The following SPATA17 variants were observed in gnomAD, a reference collection of about 807,000 sequenced individuals.
The protein encoded by SPATA17 is spermatogenesis associated 17, also known as spermatogenesis-associated protein 17.
SPATA17 carries 53 observed loss-of-function variants against 62.2 expected under a neutral mutation model. The observed-to-expected ratio is 0.85, with a 90% CI of 0.68 to 1.07. The LOEUF (loss-of-function observed/expected upper bound fraction) is 1.07, where lower values mean the gene tolerates loss of function less well. Ranked by LOEUF, SPATA17 falls within the 50% of genes least tolerant of loss-of-function variation. The pLI, the probability that SPATA17 is intolerant of heterozygous loss-of-function variation, is 0.00. For missense variants in SPATA17, 466 were observed against 425.5 expected, an observed-to-expected ratio of 1.10 and a Z score of -0.84; for synonymous variants, 146 against 146.8, an observed-to-expected ratio of 0.99 and a Z score of 0.04.
At chr1:217,775,594 C>T (rs770042930) in intron 7 of SPATA17, among the ~76,000 whole-genome samples, 11 of 151,936 alleles carry the variant, frequency 7.2e-5, no homozygotes, top group African/African-American at 1.2e-4. Flanking sequence ...CCCAGCTACT[C>T]GGGAGGCTGA....
chr1:217,793,215 G>GTT (rs376041446), intron 8 of SPATA17, among the ~76,000 whole-genome samples: 23,075 of 113,098 alleles, frequency 0.2, 3,322 homozygotes, highest in East Asian at 0.38. Flanking sequence ...TAGGGCAGTG[G>GTT]TTTTTGTTTT....
At chr1:217,756,352 C>T (rs568867285) in intron 6 of SPATA17, among the ~76,000 whole-genome samples, 2 of 151,100 alleles carry the variant, frequency 1.3e-5, no homozygotes, top group East Asian at 3.9e-4. Flanking sequence ...ATCTTATATA[C>T]CAAGAAAAGG....
chr1:217,793,214 G>GTT (rs1674043142), intron 8 of SPATA17, among the ~76,000 whole-genome samples: 1 of 110,726 alleles, frequency 9.0e-6, no homozygotes, highest in African/African-American at 3.4e-5. Flanking sequence ...TTAGGGCAGT[G>GTT]GTTTTTGTTT....
intron 9 of SPATA17, among the ~76,000 whole-genome samples, chr1:217,840,584 C>A (rs947645075): frequency 6.6e-6 from 1 of 151,828 alleles, no homozygotes; most frequent in Non-Finnish European, 1.5e-5. Context: ...ACTTGGAAGA[C>A]GCCTGGCTCA....
intron 9 of SPATA17, chr1:217,850,727 C>A (rs879509236): frequency 2.2e-6 from 2 of 910,890 alleles, no homozygotes; most frequent in East Asian, 2.7e-5. Flanking sequence ...AAGCCATTCA[C>A]CCCTCCAGAA....
At chr1:217,782,403 A>G in intron 8 of SPATA17, 81 bp downstream of exon 8, 1 of 1,391,758 alleles carries the variant, frequency 7.2e-7, no homozygotes, top group East Asian at 2.6e-5. Context: ...CTAATACTGT[A>G]AAAAATCTTT....
intron 9 of SPATA17, among the ~76,000 whole-genome samples, chr1:217,847,710 G>A (rs921219973): frequency 5.3e-5 from 8 of 152,030 alleles, no homozygotes; most frequent in Non-Finnish European, 7.4e-5. Context: ...ACATATTTAG[G>A]TATTTAAGGT....
chr1:217,713,057 C>G (rs908860496), intron 5 of SPATA17, among the ~76,000 whole-genome samples: 1 of 152,118 alleles, frequency 6.6e-6, no homozygotes, highest in East Asian at 1.9e-4. Flanking sequence ...CTCTAATTCT[C>G]TTTAAGACTA....
intron 9 of SPATA17, among the ~76,000 whole-genome samples, chr1:217,830,291 G>T (rs1368083577): frequency 6.6e-6 from 1 of 152,010 alleles, no homozygotes; most frequent in Admixed American, 6.6e-5. Context: ...CTACAAAAAG[G>T]CAAAGGAATC....
intron 9 of SPATA17, among the ~76,000 whole-genome samples, chr1:217,843,573 C>A (rs76618408): frequency 0.081 from 12,286 of 152,120 alleles, 586 homozygotes; most frequent in African/African-American, 0.13. Context: ...CATTGTCCCT[C>A]AGTATCAGTT....
chr1:217,722,027 G>A (rs1223261885), intron 5 of SPATA17, among the ~76,000 whole-genome samples: 3 of 152,130 alleles, frequency 2.0e-5, no homozygotes, highest in African/African-American at 4.8e-5. Context: ...AGGCAGGATT[G>A]TCACCCTTTT....
intron 6 of SPATA17, among the ~76,000 whole-genome samples, chr1:217,763,779 G>C (rs1299202982): frequency 1.3e-5 from 2 of 152,138 alleles, no homozygotes; most frequent in African/African-American, 4.8e-5. Flanking sequence ...TTTGGAGCTA[G>C]AATTAATAGA....
At chr1:217,853,984 C>G (rs940174198) in intron 9 of SPATA17, among the ~76,000 whole-genome samples, 1 of 152,096 alleles carries the variant, frequency 6.6e-6, no homozygotes, top group African/African-American at 2.4e-5. Flanking sequence ...CGGGCAGCCC[C>G]CAGAATCATA....
chr1:217,739,721 A>G lies in SPATA17; in HGVS notation c.396-2254A>G, dbSNP rs186246697. On this transcript the variant is annotated intron_variant, in intron 5 of 10. Transcript: ENST00000366933. ...CACCCTACTGCTATAACAAAAATGT[A>G]TATATCAAGAATAATTTATTTAGCA... is the stretch of plus-strand genomic sequence containing the variant. 1.9e-3 allele frequency: 283 copies of G among 152,254 alleles called. 2 individuals carry two copies. The highest frequency in any genetic ancestry group is 6.5e-3 in the African/African-American group (271 of 41,574). 9.4% of individuals were successfully genotyped at this position (152,254 alleles called of 1,614,324 possible).
intron 9 of SPATA17, among the ~76,000 whole-genome samples, chr1:217,817,102 C>A (rs1674736823): frequency 6.6e-6 from 1 of 152,048 alleles, no homozygotes; most frequent in South Asian, 2.1e-4. Flanking sequence ...TTAGTGAAAT[C>A]TGAAGCCTGT....
chr1:217,651,939 C>G (rs1395591230), intron 3 of SPATA17, among the ~76,000 whole-genome samples: 1 of 152,170 alleles, frequency 6.6e-6, no homozygotes, highest in Non-Finnish European at 1.5e-5. Flanking sequence ...TGTCCATGAA[C>G]ACATAGTGGT....
intron 5 of SPATA17, among the ~76,000 whole-genome samples, chr1:217,700,654 T>C (rs866550415): frequency 6.6e-6 from 1 of 152,068 alleles, no homozygotes; most frequent in Admixed American, 6.6e-5. Flanking sequence ...TGGTGCGATC[T>C]CTGCTCACTG....
At chr1:217,794,858 T>C (rs1468361771) in intron 8 of SPATA17, among the ~76,000 whole-genome samples, 1 of 152,174 alleles carries the variant, frequency 6.6e-6, no homozygotes, top group Non-Finnish European at 1.5e-5. Flanking sequence ...GCTAAGAGGT[T>C]TTTTAAGATT....
At chr1:217,832,072 G>C (rs1675156056) in intron 9 of SPATA17, among the ~76,000 whole-genome samples, 1 of 152,012 alleles carries the variant, frequency 6.6e-6, no homozygotes, top group Non-Finnish European at 1.5e-5. Flanking sequence ...TTTGCTAATT[G>C]CATTTAGAAA....
Sources: gnomAD v4.1 joint callset for allele counts (sites outside exome capture counted in the v4.1 genomes callset) on GRCh38, gnomAD v4.1.1 for gene constraint, MANE v1.5 for transcripts, NCBI Gene and HGNC (gene_info 2026-07-23, HGNC 2026-07-21) for gene names.